The following IGFL2 variants were observed in gnomAD, a reference collection of about 807,000 sequenced individuals.
The protein encoded by IGFL2 is IGF like family member 2.
IGFL2 carries 7 observed loss-of-function variants against 13.9 expected under a neutral mutation model. The ratio of observed to expected loss-of-function variants is 0.51; its 90% confidence interval spans 0.29 to 0.95. IGFL2 has a LOEUF of 0.95. IGFL2 is among the 40% of genes least tolerant of loss of function. The pLI, the probability that IGFL2 is intolerant of heterozygous loss-of-function variation, is 0.08. For synonymous variants in IGFL2, 55 were observed against 55.8 expected (o/e 0.99, Z 0.07); for missense variants, 138 against 147.8 (o/e 0.93, Z 0.34).
the IGFL2 span, chr19:46,124,376 A>G: frequency 6.5e-7 from 1 of 1,537,872 alleles, no homozygotes; most frequent in Admixed American, 1.7e-5. Flanking sequence ...ACAAGTATGG[A>G]AAAAACAAAC....
chr19:46,212,713 T>TCTCTCTCTCTCTCTCTCTCTCTCTC, the IGFL2 span: 1 of 148,614 alleles, frequency 6.7e-6, no homozygotes, highest in African/African-American at 2.5e-5. Context: ...TTCTCCTACC[T>TCTCTCTCTCTCTCTCTCTCTCTCTC]TCTCTCTCTC....
Position 46,151,906 on chromosome 19 carries a change from G to C in IGFL2, c.19+3609G>C, listed in dbSNP as rs533994129. ...CAGCCTGGGTGACAGAGTGACACTT[G>C]ATCTCACAAAAGTTCTTTGATATGG... is the stretch of plus-strand genomic sequence containing the variant. On this transcript the variant is annotated intron_variant, in intron 1 of 3. Coordinates refer to ENST00000377693, the MANE Select transcript of IGFL2 (RefSeq NM_001135113.2). Among the ~76,000 whole-genome samples, 127 of 152,232 alleles carry C rather than the reference G, an allele frequency of 8.3e-4. 2 individuals are homozygous for C. In the Middle Eastern group the frequency reaches 0.017, roughly 20 times the overall value.
chr19:46,202,158 A>G, the IGFL2 span, among the ~76,000 whole-genome samples: 1 of 152,072 alleles, frequency 6.6e-6, no homozygotes, highest in Non-Finnish European at 1.5e-5. Context: ...AAGAAGAAAG[A>G]TCTGGAATGA....
At chr19:46,137,340 G>T in the IGFL2 span, 1 of 1,112,194 alleles carries the variant, frequency 9.0e-7, no homozygotes, top group Non-Finnish European at 1.4e-6. Context: ...AGCTTGTGGC[G>T]GGCGTTGATG....
At chr19:46,124,182 A>C in the IGFL2 span, 14 of 1,610,404 alleles carry the variant, frequency 8.7e-6, no homozygotes, top group South Asian at 1.4e-4. Flanking sequence ...GATGGTGTAC[A>C]TCCAAGGAAG....
chr19:46,104,084 C>T, the IGFL2 span, among the ~76,000 whole-genome samples: 25 of 152,142 alleles, frequency 1.6e-4, no homozygotes, highest in African/African-American at 4.8e-4. Flanking sequence ...GGCTGGGAAT[C>T]TGGAGTAGGC....
intron 1 of IGFL2, among the ~76,000 whole-genome samples, chr19:46,152,853 C>A (rs1376766398): frequency 6.6e-6 from 1 of 152,146 alleles, no homozygotes; most frequent in African/African-American, 2.4e-5. Flanking sequence ...TCTTCTATTC[C>A]TAGTTTGTTC....
chr19:46,116,606 GCC>G, the IGFL2 span, among the ~76,000 whole-genome samples: 1 of 152,180 alleles, frequency 6.6e-6, no homozygotes, highest in East Asian at 1.9e-4. Context: ...CGAAATTCTG[GCC>G]CCAAGGAATC....
chr19:46,082,479 T>C, the IGFL2 span, among the ~76,000 whole-genome samples: 6 of 152,204 alleles, frequency 3.9e-5, no homozygotes, highest in East Asian at 1.2e-3. Context: ...TGTGTGCCAC[T>C]GAAGAGAGGG....
upstream of IGFL2, among the ~76,000 whole-genome samples, chr19:46,140,394 T>G (rs1463932181): frequency 6.6e-6 from 1 of 152,172 alleles, no homozygotes; most frequent in Non-Finnish European, 1.5e-5. Context: ...AGTAGGTTTT[T>G]GAGCTGGGCA....
the IGFL2 span, among the ~76,000 whole-genome samples, chr19:46,129,772 G>A: frequency 2.0e-5 from 3 of 151,988 alleles, no homozygotes; most frequent in South Asian, 2.1e-4. Flanking sequence ...GGAGTGTTTC[G>A]TGTCTGATTA....
chr19:46,192,608 CAG>C, the IGFL2 span, among the ~76,000 whole-genome samples: 59 of 151,896 alleles, frequency 3.9e-4, no homozygotes, highest in East Asian at 7.6e-3. Context: ...TTAGTAGAGA[CAG>C]GGGTTTCACC....
At chr19:46,177,533 A>T in the IGFL2 span, among the ~76,000 whole-genome samples, 1 of 152,198 alleles carries the variant, frequency 6.6e-6, no homozygotes, top group Non-Finnish European at 1.5e-5. Context: ...AGATGTAATT[A>T]TGCACATCAG....
chr19:46,102,295 G>T, the IGFL2 span, among the ~76,000 whole-genome samples: 2 of 152,334 alleles, frequency 1.3e-5, no homozygotes, highest in South Asian at 4.1e-4. Context: ...AGTCCGAAAA[G>T]AGAGTCAGCA....
At chr19:46,172,410 G>A in the IGFL2 span, among the ~76,000 whole-genome samples, 5 of 152,228 alleles carry the variant, frequency 3.3e-5, no homozygotes, top group African/African-American at 1.2e-4. Flanking sequence ...GAAGACGTGA[G>A]TAACTTCACC....
the IGFL2 span, among the ~76,000 whole-genome samples, chr19:46,203,267 A>G: frequency 2.6e-5 from 4 of 152,180 alleles, no homozygotes; most frequent in Non-Finnish European, 5.9e-5. Flanking sequence ...GTGGGGCAGG[A>G]GCAAATCACA....
At chr19:46,145,634 GTA>G (rs1491028930), upstream of IGFL2, among the ~76,000 whole-genome samples, 132 of 147,636 alleles carry the variant, frequency 8.9e-4, 1 homozygote, top group Middle Eastern at 0.021. Flanking sequence ...GTGTGTGTGT[GTA>G]TTTATTTATT....
upstream of IGFL2, among the ~76,000 whole-genome samples, chr19:46,145,518 C>G (rs190710905): frequency 1.5e-3 from 225 of 151,890 alleles, 1 homozygote; most frequent in African/African-American, 4.8e-3. Flanking sequence ...CTCTTAGTTC[C>G]TTTCAGGGTT....
chr19:46,142,568 C>A (rs989007164), upstream of IGFL2, among the ~76,000 whole-genome samples: 1 of 152,170 alleles, frequency 6.6e-6, no homozygotes, highest in African/African-American at 2.4e-5. Flanking sequence ...TATAAATATA[C>A]AAGTATGTTA....
Sources: gnomAD v4.1 joint callset for allele counts (sites outside exome capture counted in the v4.1 genomes callset) on GRCh38, gnomAD v4.1.1 for gene constraint, MANE v1.5 for transcripts, NCBI Gene and HGNC (gene_info 2026-07-23, HGNC 2026-07-21) for gene names.